Variants in DPH6 observed in about 807,000 individuals in gnomAD.
DPH6 encodes the protein diphthine--ammonia ligase.
In DPH6, 33 loss-of-function variants were observed where a neutral mutation model predicts 38.2. The ratio of observed to expected loss-of-function variants is 0.86; its 90% CI spans 0.65 to 1.15. The LOEUF is 1.15. Ranked by LOEUF, DPH6 falls within the 50% of genes most tolerant of loss-of-function variation. DPH6 has a pLI of 0.00. For synonymous variants in DPH6, 108 were observed against 103.0 expected, an observed-to-expected ratio of 1.05 and a Z score of -0.30; for missense variants, 325 against 320.0, an observed-to-expected ratio of 1.02 and a Z score of -0.12.
intron 3 of DPH6, among the ~76,000 whole-genome samples, chr15:35,485,993 C>T (rs907761621): frequency 6.6e-6 from 1 of 152,144 alleles, no homozygotes; most frequent in Non-Finnish European, 1.5e-5. Context: ...TAAAGAACTA[C>T]CTGAGATTGG....
the DPH6 span, among the ~76,000 whole-genome samples, chr15:35,207,509 T>TA: frequency 2.6e-5 from 4 of 152,172 alleles, no homozygotes; most frequent in Non-Finnish European, 4.4e-5. Flanking sequence ...TTGGTTACTA[T>TA]AATAATCATT....
intron 3 of DPH6, among the ~76,000 whole-genome samples, chr15:35,252,176 A>G (rs2051679460): frequency 6.6e-6 from 1 of 152,216 alleles, no homozygotes; most frequent in Non-Finnish European, 1.5e-5. Flanking sequence ...TCCGTAATAC[A>G]ATATGATAGA....
the DPH6 span, among the ~76,000 whole-genome samples, chr15:35,163,677 C>T: frequency 2.0e-5 from 3 of 151,846 alleles, no homozygotes; most frequent in Non-Finnish European, 2.9e-5. Flanking sequence ...CATCTAAATT[C>T]GTCAGCACTT....
At chr15:35,261,396 T>C (rs760654158) in intron 3 of DPH6, among the ~76,000 whole-genome samples, 2 of 152,232 alleles carry the variant, frequency 1.3e-5, no homozygotes, top group Non-Finnish European at 2.9e-5. Flanking sequence ...AAGATCTTTT[T>C]TCTGTGTTTT....
At chr15:35,451,874 G>A (rs1318080776) in intron 4 of DPH6, among the ~76,000 whole-genome samples, 1 of 152,192 alleles carries the variant, frequency 6.6e-6, no homozygotes, top group African/African-American at 2.4e-5. Flanking sequence ...GCCAGGCATG[G>A]TGGCGGGCGC....
At chr15:35,414,986 G>A (rs1398672621) in intron 5 of DPH6, among the ~76,000 whole-genome samples, 1 of 151,662 alleles carries the variant, frequency 6.6e-6, no homozygotes, top group Non-Finnish European at 1.5e-5. Flanking sequence ...TTCCCAACAG[G>A]ACATGATCTT....
intron 3 of DPH6, among the ~76,000 whole-genome samples, chr15:35,288,728 T>C (rs1328696189): frequency 6.6e-6 from 1 of 152,200 alleles, no homozygotes; most frequent in African/African-American, 2.4e-5. Context: ...CTGCATTATG[T>C]GCTTCATGCT....
At chr15:35,219,442 T>TA (rs1175215779) in exon 4 of DPH6, 1 of 152,218 alleles carries the variant, frequency 6.6e-6, no homozygotes, top group African/African-American at 2.4e-5. Flanking sequence ...ATGGTTCCTT[T>TA]AAAAAATAGT....
At chr15:35,450,300 T>C (rs989153273) in intron 5 of DPH6, among the ~76,000 whole-genome samples, 6 of 151,946 alleles carry the variant, frequency 3.9e-5, no homozygotes, top group South Asian at 2.1e-4. Flanking sequence ...TTGTGTCAAA[T>C]ACATATTATA....
rs776417125 is a variant in DPH6, at chr15:35,262,300, C to A, written n.201-41718G>T. 4.5e-4 allele frequency among the ~76,000 whole-genome samples: 69 copies of A among 152,118 alleles called. 1 individual carries two copies. Among genetic ancestry groups the A allele is most frequent in the Non-Finnish European group, 8.2e-4 (56 of 68,016 alleles). On this transcript the variant is annotated intron_variant and non_coding_transcript_variant, in intron 3 of 3. Transcript: ENST00000560386. ...CAATGAGCTTAAAAAATAAGATAAA[C>A]ACACTTCATAAAAATTTCTAATTAA...
At chr15:35,230,111 G>A (rs901683212) in intron 3 of DPH6, among the ~76,000 whole-genome samples, 1 of 152,218 alleles carries the variant, frequency 6.6e-6, no homozygotes, top group Admixed American at 6.5e-5. Flanking sequence ...TCAGGGTGGC[G>A]AGTTCCCCTA....
chr15:35,491,762 CAT>C (rs1003333400), intron 3 of DPH6, among the ~76,000 whole-genome samples: 3 of 150,008 alleles, frequency 2.0e-5, no homozygotes, highest in African/African-American at 7.3e-5. Context: ...TATGTATACA[CAT>C]ATAAATATAT....
chr15:35,545,984 C>T (rs2055346247), intron 1 of DPH6, 135 bp downstream of exon 1: 3 of 820,164 alleles, frequency 3.7e-6, no homozygotes, highest in South Asian at 1.1e-4. Context: ...TCCGCCTCTT[C>T]CTGTGGCTCG....
chr15:35,160,123 G>A, the DPH6 span, among the ~76,000 whole-genome samples: 22 of 151,788 alleles, frequency 1.4e-4, no homozygotes, highest in Admixed American at 4.0e-4. Context: ...GGGTTCAATC[G>A]TACTCAACAT....
chr15:35,174,475 T>C, the DPH6 span, among the ~76,000 whole-genome samples: 68 of 152,268 alleles, frequency 4.5e-4, 2 homozygotes, highest in East Asian at 8.9e-3. Context: ...TCAGTATCAG[T>C]GATGGAAAAA....
At chr15:35,306,218 A>G (rs2052089477) in intron 3 of DPH6, among the ~76,000 whole-genome samples, 1 of 152,162 alleles carries the variant, frequency 6.6e-6, no homozygotes, top group East Asian at 1.9e-4. Flanking sequence ...GTTCTCCTGT[A>G]TCTTTGGAAG....
chr15:35,323,913 G>A (rs1252418636), intron 3 of DPH6, among the ~76,000 whole-genome samples: 2 of 152,000 alleles, frequency 1.3e-5, no homozygotes, highest in Non-Finnish European at 2.9e-5. Flanking sequence ...CTTGAGAAAA[G>A]TACCTAATAT....
intron 5 of DPH6, 120 bp downstream of exon 5, chr15:35,450,565 G>T: frequency 1.2e-6 from 1 of 827,374 alleles, no homozygotes; most frequent in Non-Finnish European, 1.9e-6. Flanking sequence ...AATTTCTTCA[G>T]CTGTGACTCC....
chr15:35,509,537 G>A (rs2054739670), intron 3 of DPH6, among the ~76,000 whole-genome samples: 1 of 152,070 alleles, frequency 6.6e-6, no homozygotes. Flanking sequence ...TTAGAGACTT[G>A]TAACATTATC....
Sources: allele counts gnomAD v4.1 joint callset (sites outside exome capture counted in the v4.1 genomes callset), GRCh38; gene constraint gnomAD v4.1.1; transcripts MANE v1.5; gene names NCBI Gene and HGNC (gene_info 2026-07-23, HGNC 2026-07-21).